The following ARHGAP32 variants were observed in gnomAD, a reference collection of about 807,000 sequenced individuals.
ARHGAP32 encodes the protein rho GTPase-activating protein 32.
Under a neutral mutation model 186.5 loss-of-function variants are expected in ARHGAP32, and 51 were observed. The ratio of observed to expected loss-of-function variants is 0.27; its 90% CI spans 0.22 to 0.35. The LOEUF is 0.35. Ranked by LOEUF, ARHGAP32 falls within the 10% of genes least tolerant of loss-of-function variation. The probability of loss-of-function intolerance (pLI) is 1.00; values close to 1 mark genes in which losing one functional copy is unlikely to be tolerated. For missense variants in ARHGAP32, 2,186 were observed against 2,623.5 expected (o/e 0.83, Z 3.64); for synonymous variants, 950 against 964.3 (o/e 0.99, Z 0.27).
In ARHGAP32 at chr11:129,045,199, A is replaced by T. The variant is rs560020258; in HGVS notation, c.964-4190T>A. 2.0e-4 allele frequency among the ~76,000 whole-genome samples: 31 copies of T among 152,310 alleles called. No individual in the cohort carries two copies. In the South Asian group the frequency reaches 3.9e-3, roughly 19 times the overall value. ...CTATATTCAGGCAAAGCCGCAACACATGTAAACACAGCTCTGCTACTATCC... is the reference window on the plus strand; with the variant it reads ...CTATATTCAGGCAAAGCCGCAACACTTGTAAACACAGCTCTGCTACTATCC... On this transcript the variant is annotated intron_variant, in intron 10 of 22. Coordinates refer to ENST00000682385, the MANE Select transcript of ARHGAP32 (RefSeq NM_001378024.1).
In ARHGAP32 at chr11:129,086,783, T is replaced by G. The variant is rs1384808815; in HGVS notation, c.531+6838A>C. ...TTGCAGTGAGCCGAGATTGCGCCAC[T>G]GCACTCCAGCCTGGGCGACAGAGTG... On this transcript the variant is annotated intron_variant, in intron 6 of 22. Transcript: ENST00000682385. 2.9e-5 allele frequency among the ~76,000 whole-genome samples: 4 copies of G among 139,364 alleles called. No individual in the cohort carries two copies. In the East Asian group the frequency reaches 6.4e-4, roughly 22 times the overall value. The allele number at this position is 139,364 out of a possible 152,430, so 91.4% of individuals were successfully genotyped here.
chr11:129,011,916 T>C (rs948636049), intron 11 of ARHGAP32, among the ~76,000 whole-genome samples: 5 of 152,102 alleles, frequency 3.3e-5, no homozygotes, highest in South Asian at 4.1e-4. Context: ...CAAATATGCA[T>C]GTACATGTGA....
At chr11:129,148,578 G>A (rs987724532) in intron 2 of ARHGAP32, among the ~76,000 whole-genome samples, 1 of 152,160 alleles carries the variant, frequency 6.6e-6, no homozygotes, top group African/African-American at 2.4e-5. Context: ...GCTTCCTACT[G>A]AAATAAGTAG....
In ARHGAP32 at chr11:128,968,960, G is replaced by C. The variant is rs369645849; in HGVS notation, c.6253C>G (p.Leu2085Val). The part of the protein sequence containing the change: ...YATALGQGAF[L>V]PAELSLQHPE... ...TGCTGCAAGGACAACTCTGCGGGCA[G>C]GAAGGCCCCTTGACCCAACGCTGTA... Residue 2085 changes from leucine to valine, a missense_variant, in exon 23 of 23, where the codon CTG becomes GTG. Physicochemically the swap from Leu to Val is conservative, Grantham distance 32. Coordinates refer to ENST00000682385, the MANE Select transcript of ARHGAP32 (RefSeq NM_001378024.1). 3 of 1,570,678 alleles carry C rather than the reference G, an allele frequency of 1.9e-6. No individual in the cohort carries two copies. Among genetic ancestry groups the C allele is most frequent in the Non-Finnish European group, 2.6e-6 (3 of 1,153,456 alleles).
chr11:129,078,216 G>A (rs1438067935), intron 6 of ARHGAP32, among the ~76,000 whole-genome samples: 16 of 152,084 alleles, frequency 1.1e-4, no homozygotes, highest in Admixed American at 9.8e-4. Context: ...AACAATCACT[G>A]CAGTCCAGCT....
intron 11 of ARHGAP32, among the ~76,000 whole-genome samples, chr11:129,013,205 TGCC>T: frequency 6.6e-6 from 1 of 152,348 alleles, no homozygotes; most frequent in South Asian, 2.1e-4. Context: ...GGCAACTCTG[TGCC>T]CCCATTTGGC....
intron 11 of ARHGAP32, chr11:129,023,963 G>C: frequency 2.0e-6 from 2 of 985,370 alleles, no homozygotes; most frequent in Non-Finnish European, 2.4e-6. Flanking sequence ...TTCCGTACAA[G>C]AGTGTAGAAA....
At chr11:129,166,473 A>G (rs1270397762) in intron 1 of ARHGAP32, among the ~76,000 whole-genome samples, 1 of 152,122 alleles carries the variant, frequency 6.6e-6, no homozygotes, top group Non-Finnish European at 1.5e-5. Flanking sequence ...TCAAACTGCT[A>G]AAAACCAAAC....
At chr11:129,041,331 T>G (rs1313197408) in intron 10 of ARHGAP32, among the ~76,000 whole-genome samples, 1 of 152,136 alleles carries the variant, frequency 6.6e-6, no homozygotes, top group Admixed American at 6.5e-5. Flanking sequence ...AGGTAAAATT[T>G]TATAATTTAA....
chr11:129,093,636 C>T lies in ARHGAP32; in HGVS notation c.516G>A (p.Val172=), dbSNP rs748493663. ...ACAAAATCACCTGACAAGCAATCTG[C>T]ACGAGGTAGACCAGCTCTTTAGATT... is the stretch of plus-strand genomic sequence containing the variant. ...GCESKELVYL[V]QIACQGKSWI... is the part of the protein sequence containing the mutation. Residue 172 remains valine (V), a synonymous_variant, in exon 6 of 23, where the codon GTG becomes GTA. Coordinates refer to ENST00000682385, the MANE Select transcript of ARHGAP32 (RefSeq NM_001378024.1). 30 of 1,604,924 alleles carry T rather than the reference C, an allele frequency of 1.9e-5. No individual in the cohort carries two copies. The East Asian group carries it at 6.7e-4, about 36-fold the overall frequency.
chr11:129,002,614 C>A (rs1483910087), intron 11 of ARHGAP32, among the ~76,000 whole-genome samples: 1 of 152,148 alleles, frequency 6.6e-6, no homozygotes, highest in Non-Finnish European at 1.5e-5. Flanking sequence ...CTAGCCAGAA[C>A]TTCCAATACT....
chr11:129,084,069 T>C (rs933154937), intron 6 of ARHGAP32, among the ~76,000 whole-genome samples: 3 of 152,078 alleles, frequency 2.0e-5, no homozygotes, highest in African/African-American at 7.2e-5. Context: ...CAGATGAAAC[T>C]GGCCAATTTT....
intron 1 of ARHGAP32, among the ~76,000 whole-genome samples, chr11:129,203,657 A>AGGCAGGAG (rs1944482538): frequency 6.8e-6 from 1 of 147,916 alleles, no homozygotes; most frequent in South Asian, 2.2e-4. Flanking sequence ...TGAGAGGCTG[A>AGGCAGGAG]GGCAGGAGGA....
At chr11:129,125,875 T>C (rs764442586) in intron 2 of ARHGAP32, 1 of 443,924 alleles carries the variant, frequency 2.3e-6, no homozygotes, top group Non-Finnish European at 4.5e-6. Context: ...ATATTTTTAC[T>C]CCTTCTTAGA....
rs552012391 is a variant in ARHGAP32, at chr11:129,268,123, G to A, written c.-5+11023C>T. 1.1e-4 allele frequency among the ~76,000 whole-genome samples: 16 copies of A among 152,212 alleles called. No individual in the cohort carries two copies. The East Asian group carries it at 2.5e-3, about 24-fold the overall frequency. On this transcript the variant is annotated intron_variant, in intron 1 of 6. Transcript: ENST00000525234. Reference sequence around the variant, plus strand: ...GATCTGCAATTTGTATCCCTACCCCGAGTCCCAAAAATGTTAGGGATGGGC... The same window carrying A: ...GATCTGCAATTTGTATCCCTACCCCAAGTCCCAAAAATGTTAGGGATGGGC...
chr11:128,972,928 T>C lies in ARHGAP32; in HGVS notation c.3578A>G (p.His1193Arg). 6.2e-7 allele frequency: 1 copy of C among 1,614,058 alleles called. No individual in the cohort carries two copies. The highest frequency in any genetic ancestry group is 8.5e-7 in the Non-Finnish European group (1 of 1,180,020). The change falls in exon 22 of 23, where the codon CAT (histidine) becomes CGT (arginine). Residue 1193 changes from histidine (H) to arginine (R), a missense_variant. Physicochemically the swap from His to Arg is conservative, Grantham distance 29 (BLOSUM62 0). Coordinates refer to ENST00000682385, the MANE Select transcript of ARHGAP32 (RefSeq NM_001378024.1). ...AGACTGGTCTTCAGGGAAACTTACA[T>C]GATCATCAGACTTCTCTGAGTCTAA... ...VPLDSEKSDD[H>R]VSFPEDQSGK...
intron 2 of ARHGAP32, among the ~76,000 whole-genome samples, chr11:129,145,893 C>T (rs1282481646): frequency 2.0e-5 from 3 of 152,062 alleles, no homozygotes; most frequent in Admixed American, 6.5e-5. Context: ...CCAGAGAAGA[C>T]GTACCACGGG....
Position 129,151,999 on chromosome 11 carries a change from A to G in ARHGAP32, c.225+12320T>C, listed in dbSNP as rs1229629478. 2.0e-5 allele frequency among the ~76,000 whole-genome samples: 3 copies of G among 152,186 alleles called. No individual in the cohort carries two copies. The East Asian group carries it at 5.8e-4, about 29-fold the overall frequency. Reference sequence around the variant, plus strand: ...TAGCAAGATTAACCGAGAAAAGAGGAGGCAAGATCCAAATAAGGTCTATTA... The same window carrying G: ...TAGCAAGATTAACCGAGAAAAGAGGGGGCAAGATCCAAATAAGGTCTATTA... On this transcript the variant is annotated intron_variant, in intron 2 of 22. Coordinates refer to ENST00000682385, the MANE Select transcript of ARHGAP32 (RefSeq NM_001378024.1).
At chr11:129,263,525 T>C (rs1229611122) in intron 1 of ARHGAP32, among the ~76,000 whole-genome samples, 2 of 135,316 alleles carry the variant, frequency 1.5e-5, no homozygotes, top group Non-Finnish European at 3.1e-5. Context: ...TGATAAGATA[T>C]CACCTTACCC....
Sources: allele counts gnomAD v4.1 joint callset (sites outside exome capture counted in the v4.1 genomes callset), GRCh38; gene constraint gnomAD v4.1.1; transcripts MANE v1.5; gene names NCBI Gene and HGNC (gene_info 2026-07-23, HGNC 2026-07-21).